The following RNF220 variants were observed in gnomAD, a reference collection of about 807,000 sequenced individuals.
The protein encoded by RNF220 is E3 ubiquitin-protein ligase RNF220.
A neutral mutation model predicts 67.1 loss-of-function variants in RNF220; 7 were observed. That is an observed-to-expected ratio of 0.10 (90% CI 0.06 to 0.20). The LOEUF (loss-of-function observed/expected upper bound fraction) is 0.20. RNF220 is among the 10% of genes least tolerant of loss of function. The pLI is 1.00. For synonymous variants in RNF220, 270 were observed against 283.2 expected, an observed-to-expected ratio of 0.95 and a Z score of 0.47; for missense variants, 565 against 740.3, an observed-to-expected ratio of 0.76 and a Z score of 2.75.
chr1:44,451,194 G>GAAA (rs1351545686), intron 2 of RNF220, among the ~76,000 whole-genome samples: 1 of 77,692 alleles, frequency 1.3e-5, no homozygotes, highest in Admixed American at 1.3e-4. Context: ...AAAAGAAAAA[G>GAAA]AAAAAAAAAA....
chr1:44,577,236 C>G (rs1033397989), intron 2 of RNF220, among the ~76,000 whole-genome samples: 7 of 152,212 alleles, frequency 4.6e-5, no homozygotes, highest in Admixed American at 3.3e-4. Context: ...TCTTCGGCCA[C>G]TGCCCAAGTA....
intron 2 of RNF220, among the ~76,000 whole-genome samples, chr1:44,464,066 G>A (rs780059269): frequency 1.3e-5 from 2 of 152,232 alleles, no homozygotes; most frequent in African/African-American, 2.4e-5. Flanking sequence ...ACTATGAACA[G>A]TTGCAGAAAA....
intron 2 of RNF220, among the ~76,000 whole-genome samples, chr1:44,427,068 C>T (rs922843277): frequency 2.6e-5 from 4 of 152,184 alleles, no homozygotes; most frequent in African/African-American, 2.4e-5. Flanking sequence ...ATTCTGAGTG[C>T]TTTACAGGTA....
chr1:44,434,787 A>C (rs1433402550), intron 2 of RNF220, among the ~76,000 whole-genome samples: 6 of 151,640 alleles, frequency 4.0e-5, no homozygotes, highest in Non-Finnish European at 7.4e-5. Flanking sequence ...TTAGTAACAG[A>C]AGACTTGTGA....
At chr1:44,520,352 G>C (rs12562325) in intron 2 of RNF220, among the ~76,000 whole-genome samples, 19,657 of 152,080 alleles carry the variant, frequency 0.13, 1,706 homozygotes, top group African/African-American at 0.24. Flanking sequence ...TGTAGTCCCA[G>C]CTACTTGGGA....
intron 2 of RNF220, among the ~76,000 whole-genome samples, chr1:44,450,053 T>C (rs1478453636): frequency 6.6e-6 from 1 of 151,954 alleles, no homozygotes; most frequent in Non-Finnish European, 1.5e-5. Flanking sequence ...CTACTAAAAA[T>C]ACAAAATTAG....
At chr1:44,406,961 G>A (rs902904507) in intron 1 of RNF220, among the ~76,000 whole-genome samples, 3 of 152,222 alleles carry the variant, frequency 2.0e-5, no homozygotes, top group Non-Finnish European at 4.4e-5. Flanking sequence ...GACTAGGGCA[G>A]CCAGGAGGCA....
At chr1:44,518,059 A>T (rs1187045252) in intron 2 of RNF220, among the ~76,000 whole-genome samples, 1 of 152,154 alleles carries the variant, frequency 6.6e-6, no homozygotes, top group Non-Finnish European at 1.5e-5. Flanking sequence ...TTGAGTGGAG[A>T]TCGTGCCACT....
intron 2 of RNF220, among the ~76,000 whole-genome samples, chr1:44,521,859 G>A (rs79330698): frequency 0.17 from 25,793 of 152,128 alleles, 2,692 homozygotes; most frequent in Admixed American, 0.23. Context: ...CTCAATTGAT[G>A]TCTACTGAAT....
intron 2 of RNF220, among the ~76,000 whole-genome samples, chr1:44,585,974 G>C (rs1665665779): frequency 1.3e-5 from 2 of 152,122 alleles, no homozygotes; most frequent in Non-Finnish European, 1.5e-5. Context: ...ACTCTCTGTT[G>C]TCATCAGGCT....
intron 2 of RNF220, among the ~76,000 whole-genome samples, chr1:44,514,572 G>T (rs966557314): frequency 2.6e-5 from 4 of 152,246 alleles, no homozygotes; most frequent in African/African-American, 9.6e-5. Flanking sequence ...GTGTTGAAAC[G>T]ATCTCCTCTT....
intron 2 of RNF220, among the ~76,000 whole-genome samples, chr1:44,526,970 C>T (rs1330121459): frequency 6.6e-6 from 1 of 152,018 alleles, no homozygotes; most frequent in Non-Finnish European, 1.5e-5. Flanking sequence ...TCTCCTTCCC[C>T]AGCTTCTGCT....
rs982177729 is a variant in RNF220, at chr1:44,621,963, A to G, written c.759-779A>G. Among the ~76,000 whole-genome samples, 2 of 152,220 alleles carry G rather than the reference A, an allele frequency of 1.3e-5. No individual in the cohort carries two copies. The highest frequency in any genetic ancestry group is 2.4e-5 in the African/African-American group (1 of 41,460). On this transcript the variant is annotated intron_variant, in intron 3 of 14. Coordinates refer to ENST00000361799, the MANE Select transcript of RNF220 (RefSeq NM_018150.4). This position sits in a 1 kb window ranked among gnomAD's most constrained non-coding sequence, Gnocchi z 4.8. ...ATGTGGCAAGCGTAGTGGGGGCAGC[A>G]GGCAGGGAGGGACAGGAACAGGGAT...
chr1:44,526,159 C>T (rs188369841), intron 2 of RNF220, among the ~76,000 whole-genome samples: 15 of 152,316 alleles, frequency 9.8e-5, no homozygotes, highest in African/African-American at 3.4e-4. Flanking sequence ...ACTTTCTCCT[C>T]TATTTCCGGC....
intron 2 of RNF220, among the ~76,000 whole-genome samples, chr1:44,446,262 G>A (rs532277830): frequency 4.0e-4 from 61 of 152,234 alleles, no homozygotes; most frequent in African/African-American, 1.2e-3. Flanking sequence ...TTTATGCTTC[G>A]GTTAAAAAGT....
At chr1:44,542,920 C>T (rs1320941070) in intron 2 of RNF220, among the ~76,000 whole-genome samples, 2 of 151,990 alleles carry the variant, frequency 1.3e-5, no homozygotes, top group African/African-American at 2.4e-5. Flanking sequence ...CCCCTCCCTG[C>T]CCCAGCCCCT....
At chr1:44,443,985 G>A (rs553985294) in intron 2 of RNF220, among the ~76,000 whole-genome samples, 1 of 152,360 alleles carries the variant, frequency 6.6e-6, no homozygotes, top group South Asian at 2.1e-4. Context: ...CAGCTACAGA[G>A]GAGGCTGAGG....
intron 2 of RNF220, among the ~76,000 whole-genome samples, chr1:44,433,301 C>T (rs1488891811): frequency 1.3e-5 from 2 of 152,096 alleles, no homozygotes; most frequent in Non-Finnish European, 2.9e-5. Flanking sequence ...GGAGAACTTC[C>T]AGTTGTACTG....
At chr1:44,613,799 C>T (rs1643420536) in intron 2 of RNF220, among the ~76,000 whole-genome samples, 1 of 152,188 alleles carries the variant, frequency 6.6e-6, no homozygotes, top group South Asian at 2.1e-4. Context: ...ACCACTTGAA[C>T]CCAGGAGGCA....
Sources: allele counts gnomAD v4.1 joint callset (sites outside exome capture counted in the v4.1 genomes callset), GRCh38; gene constraint gnomAD v4.1.1; non-coding constraint Gnocchi (gnomAD v3.1); transcripts MANE v1.5; gene names NCBI Gene and HGNC (gene_info 2026-07-23, HGNC 2026-07-21).